The following ZDHHC17 variants were observed in gnomAD, a reference collection of about 807,000 sequenced individuals.
ZDHHC17 encodes the protein palmitoyltransferase ZDHHC17.
A neutral mutation model predicts 90.3 loss-of-function variants in ZDHHC17; 40 were observed. The ratio of observed to expected loss-of-function variants is 0.44; its 90% CI spans 0.34 to 0.58. The LOEUF (loss-of-function observed/expected upper bound fraction) is 0.58. Ranked by LOEUF, ZDHHC17 falls within the 20% of genes least tolerant of loss-of-function variation. ZDHHC17 has a pLI of 0.01. For synonymous variants in ZDHHC17, 235 were observed against 252.4 expected (o/e 0.93, Z 0.65); for missense variants, 614 against 780.8 (o/e 0.79, Z 2.55).
chr12:76,809,252 G>C (rs1364276970), intron 4 of ZDHHC17, 132 bp downstream of exon 4: 2 of 553,162 alleles, frequency 3.6e-6, no homozygotes, highest in Non-Finnish European at 5.7e-6. Context: ...TAAATATGCT[G>C]ATGTTTTATT....
chr12:76,778,964 A>T (rs903634922), intron 1 of ZDHHC17, among the ~76,000 whole-genome samples: 1 of 152,126 alleles, frequency 6.6e-6, no homozygotes, highest in African/African-American at 2.4e-5. Context: ...TATGTATCCA[A>T]ATTTTCTCCT....
chr12:76,827,380 C>T (rs1441929379), intron 9 of ZDHHC17, among the ~76,000 whole-genome samples: 2 of 152,012 alleles, frequency 1.3e-5, no homozygotes, highest in South Asian at 2.1e-4. Flanking sequence ...TACTTGAGCT[C>T]GCCTTTCTAT....
At chr12:76,796,806 T>C (rs1952824669) in intron 1 of ZDHHC17, among the ~76,000 whole-genome samples, 1 of 152,098 alleles carries the variant, frequency 6.6e-6, no homozygotes, top group Non-Finnish European at 1.5e-5. Context: ...AATAGAAAAA[T>C]TGGTCAGAGA....
intron 1 of ZDHHC17, chr12:76,764,557 C>G (rs554232640): frequency 1.7e-6 from 1 of 578,480 alleles, no homozygotes; most frequent in African/African-American, 1.9e-5. Context: ...CCTGGCTGTG[C>G]CTGGAGGACA....
chr12:76,818,788 T>G (rs1953121893), intron 7 of ZDHHC17, among the ~76,000 whole-genome samples: 1 of 152,198 alleles, frequency 6.6e-6, no homozygotes, highest in Non-Finnish European at 1.5e-5. Flanking sequence ...AATGCGATAA[T>G]AAAGAGCTTT....
At chr12:76,808,522 T>G (rs906250979) in intron 3 of ZDHHC17, among the ~76,000 whole-genome samples, 1 of 152,190 alleles carries the variant, frequency 6.6e-6, no homozygotes, top group African/African-American at 2.4e-5. Flanking sequence ...TTAAGCTTAC[T>G]AATCTAATAC....
intron 1 of ZDHHC17, 45 bp from the exon 2 acceptor site, chr12:76,797,389 C>G (rs763242051): frequency 1.7e-5 from 23 of 1,365,980 alleles, no homozygotes; most frequent in Non-Finnish European, 2.1e-5. Context: ...ATTTTCTGTA[C>G]CTCTTTTTTC....
intron 7 of ZDHHC17, among the ~76,000 whole-genome samples, chr12:76,817,314 GT>G (rs1397782652): frequency 6.6e-6 from 1 of 152,082 alleles, no homozygotes; most frequent in African/African-American, 2.4e-5. Flanking sequence ...ATTACCTCAT[GT>G]TTTTTTATCT....
chr12:76,765,552 A>G (rs1024424148), intron 1 of ZDHHC17, among the ~76,000 whole-genome samples: 7 of 152,244 alleles, frequency 4.6e-5, no homozygotes, highest in African/African-American at 1.4e-4. Flanking sequence ...GGCATTGTAG[A>G]CATCTCTTTT....
chr12:76,786,366 C>T (rs1283443249), intron 1 of ZDHHC17, among the ~76,000 whole-genome samples: 1 of 152,130 alleles, frequency 6.6e-6, no homozygotes, highest in African/African-American at 2.4e-5. Flanking sequence ...AAGTGAATCT[C>T]CTGCCTCAGC....
At chr12:76,774,723 G>A (rs1193477437) in intron 1 of ZDHHC17, among the ~76,000 whole-genome samples, 3 of 152,084 alleles carry the variant, frequency 2.0e-5, no homozygotes, top group Non-Finnish European at 4.4e-5. Context: ...CTGGAAAGTG[G>A]GGTTAATAAC....
chr12:76,774,300 A>G (rs2137714869), intron 1 of ZDHHC17, among the ~76,000 whole-genome samples: 2 of 147,690 alleles, frequency 1.4e-5, no homozygotes, highest in South Asian at 4.2e-4. Context: ...GTGTGTAAAT[A>G]TATATATATA....
intron 1 of ZDHHC17, among the ~76,000 whole-genome samples, chr12:76,786,114 C>CT (rs1952682285): frequency 7.4e-6 from 1 of 134,818 alleles, no homozygotes; most frequent in African/African-American, 2.9e-5. Context: ...TCTTTCTTTT[C>CT]TTTCTTTCTT....
intron 8 of ZDHHC17, among the ~76,000 whole-genome samples, chr12:76,822,954 C>T (rs1440775668): frequency 6.6e-6 from 1 of 152,030 alleles, no homozygotes; most frequent in Non-Finnish European, 1.5e-5. Context: ...TGGCATTTCT[C>T]AATGTAATTT....
chr12:76,848,185 GCT>G (rs1565810757), intron 14 of ZDHHC17, 46 bp from the exon 15 acceptor site: 1 of 1,602,582 alleles, frequency 6.2e-7, no homozygotes, highest in Non-Finnish European at 8.5e-7. Context: ...TATATGAGGT[GCT>G]TGGATGATTA....
chr12:76,819,140 T>C (rs1953128281), intron 7 of ZDHHC17, among the ~76,000 whole-genome samples: 1 of 152,174 alleles, frequency 6.6e-6, no homozygotes, highest in Admixed American at 6.6e-5. Flanking sequence ...ACTGAGCGTC[T>C]TGTGATATCA....
intron 1 of ZDHHC17, among the ~76,000 whole-genome samples, chr12:76,791,306 A>G (rs567623516): frequency 1.8e-4 from 28 of 152,330 alleles, no homozygotes; most frequent in African/African-American, 5.5e-4. Flanking sequence ...ATTATGAACA[A>G]TAAGCATTCC....
At chr12:76,769,622 G>A (rs995287379) in intron 1 of ZDHHC17, among the ~76,000 whole-genome samples, 4 of 151,838 alleles carry the variant, frequency 2.6e-5, no homozygotes, top group Non-Finnish European at 5.9e-5. Context: ...AAATGTTATA[G>A]GTCATATAAT....
intron 7 of ZDHHC17, among the ~76,000 whole-genome samples, chr12:76,816,581 GTGTTA>G (rs1019037561): frequency 1.6e-4 from 25 of 151,896 alleles, no homozygotes; most frequent in Non-Finnish European, 3.2e-4. Context: ...AGTATTTTCT[GTGTTA>G]TGTTTCTTAA....
Sources: allele counts gnomAD v4.1 joint callset (sites outside exome capture counted in the v4.1 genomes callset), GRCh38; gene constraint gnomAD v4.1.1; transcripts MANE v1.5; gene names NCBI Gene and HGNC (gene_info 2026-07-23, HGNC 2026-07-21).